The following TENM3 variants were observed in gnomAD, a reference collection of about 807,000 sequenced individuals.
TENM3 encodes the protein teneurin transmembrane protein 3, also known as teneurin-3.
A neutral mutation model predicts 255.1 loss-of-function variants in TENM3; 63 were observed. The observed-to-expected ratio is 0.25, with a 90% CI of 0.20 to 0.30. The LOEUF (loss-of-function observed/expected upper bound fraction) is 0.30. Ranked by LOEUF, TENM3 falls within the 10% of genes least tolerant of loss-of-function variation. The pLI is 1.00. For missense variants in TENM3, 2,929 were observed against 3,461.1 expected, an observed-to-expected ratio of 0.85 and a Z score of 3.86; for synonymous variants, 1,306 against 1,322.3, an observed-to-expected ratio of 0.99 and a Z score of 0.27.
At chr4:182,390,109 G>A (rs1439372453) in intron 3 of TENM3, among the ~76,000 whole-genome samples, 1 of 152,170 alleles carries the variant, frequency 6.6e-6, no homozygotes, top group Non-Finnish European at 1.5e-5. Flanking sequence ...AACTTTTTAA[G>A]AGTGACAGGC....
the TENM3 span, among the ~76,000 whole-genome samples, chr4:181,888,503 TATATATATATATGTATATATATAC>T: frequency 0.022 from 568 of 25,590 alleles, 50 homozygotes; most frequent in African/African-American, 0.075. Context: ...TGTATATATA[TATATATATATATGTATATATATAC>T]ATATATGTGT....
At chr4:182,133,767 G>C in the TENM3 span, among the ~76,000 whole-genome samples, 1 of 152,146 alleles carries the variant, frequency 6.6e-6, no homozygotes, top group African/African-American at 2.4e-5. Context: ...AAATGGGACT[G>C]TGTCAGTTCT....
chr4:182,465,993 A>G (rs553148187), intron 3 of TENM3, among the ~76,000 whole-genome samples: 2 of 152,208 alleles, frequency 1.3e-5, no homozygotes, highest in African/African-American at 2.4e-5. Flanking sequence ...AACCTGAACT[A>G]TTATTGAAGG....
chr4:182,749,742 A>G (rs556735163), intron 19 of TENM3, among the ~76,000 whole-genome samples: 19 of 152,376 alleles, frequency 1.2e-4, no homozygotes, highest in South Asian at 4.1e-4. Flanking sequence ...GTTCATACTC[A>G]AAAGATGTAC....
At chr4:181,687,197 G>A in the TENM3 span, among the ~76,000 whole-genome samples, 2 of 152,008 alleles carry the variant, frequency 1.3e-5, no homozygotes, top group East Asian at 1.9e-4. Flanking sequence ...TAAATAAGAC[G>A]GACCATTACA....
intron 3 of TENM3, among the ~76,000 whole-genome samples, chr4:182,393,895 C>T (rs187278329): frequency 6.6e-6 from 1 of 152,224 alleles, no homozygotes; most frequent in East Asian, 1.9e-4. Context: ...CAGATACCAA[C>T]TGAAATGTGG....
At chr4:182,742,535 G>A (rs899727429) in intron 18 of TENM3, among the ~76,000 whole-genome samples, 1 of 152,154 alleles carries the variant, frequency 6.6e-6, no homozygotes, top group Non-Finnish European at 1.5e-5. Context: ...CAGCTTTGGA[G>A]TTTGATGTCT....
chr4:181,736,984 G>A, the TENM3 span, among the ~76,000 whole-genome samples: 1 of 152,090 alleles, frequency 6.6e-6, no homozygotes, highest in Admixed American at 6.6e-5. Flanking sequence ...GGACCAAGTC[G>A]AGTATCTAAT....
chr4:182,633,934 T>G (rs2152480773), intron 5 of TENM3, among the ~76,000 whole-genome samples: 1 of 152,222 alleles, frequency 6.6e-6, no homozygotes, highest in South Asian at 2.1e-4. Context: ...AGGTCCAGAG[T>G]TGTGCTTTCC....
intron 3 of TENM3, among the ~76,000 whole-genome samples, chr4:182,537,539 T>G (rs1346917586): frequency 6.6e-6 from 1 of 152,236 alleles, no homozygotes; most frequent in African/African-American, 2.4e-5. Context: ...GCAGGCACTT[T>G]GCTTTCTGCT....
At chr4:182,713,383 T>G (rs1579203183) in intron 12 of TENM3, among the ~76,000 whole-genome samples, 1 of 152,340 alleles carries the variant, frequency 6.6e-6, no homozygotes, top group South Asian at 2.1e-4. Context: ...GTCCCATCCG[T>G]ATGCAGCCTG....
the TENM3 span, among the ~76,000 whole-genome samples, chr4:181,518,833 G>T: frequency 6.6e-6 from 1 of 152,132 alleles, no homozygotes; most frequent in Non-Finnish European, 1.5e-5. Flanking sequence ...ACAGAGTTCT[G>T]TGGATCCAGC....
At chr4:181,909,209 G>A in the TENM3 span, among the ~76,000 whole-genome samples, 3 of 152,216 alleles carry the variant, frequency 2.0e-5, no homozygotes, top group Non-Finnish European at 2.9e-5. Flanking sequence ...AAACAATGGA[G>A]AGAGTCAGAT....
At chr4:182,110,708 A>G in the TENM3 span, among the ~76,000 whole-genome samples, 1 of 152,236 alleles carries the variant, frequency 6.6e-6, no homozygotes, top group Non-Finnish European at 1.5e-5. Context: ...GATGGTAAAC[A>G]TAACAAAGGT....
chr4:182,600,220 T>C (rs1162405153), intron 3 of TENM3, among the ~76,000 whole-genome samples: 1 of 152,212 alleles, frequency 6.6e-6, no homozygotes, highest in Non-Finnish European at 1.5e-5. Flanking sequence ...GGAAAATCTG[T>C]TCTGTGTGTG....
the TENM3 span, among the ~76,000 whole-genome samples, chr4:181,919,374 GGT>G: frequency 2.0e-4 from 29 of 146,780 alleles, no homozygotes; most frequent in East Asian, 4.0e-4. Context: ...AAGCAAAGCA[GGT>G]GTGTGTGTGT....
chr4:182,383,100 T>C (rs1767680419), intron 3 of TENM3, among the ~76,000 whole-genome samples: 1 of 151,764 alleles, frequency 6.6e-6, no homozygotes, highest in Non-Finnish European at 1.5e-5. Flanking sequence ...ATGGAACGAG[T>C]GGGGATTTAC....
chr4:181,759,711 A>C, the TENM3 span, among the ~76,000 whole-genome samples: 3 of 144,848 alleles, frequency 2.1e-5, no homozygotes, highest in Non-Finnish European at 4.5e-5. Flanking sequence ...GATTTAAATA[A>C]TGCAATCAAC....
At chr4:182,549,355 T>A (rs1741781146) in intron 3 of TENM3, among the ~76,000 whole-genome samples, 1 of 152,230 alleles carries the variant, frequency 6.6e-6, no homozygotes, top group Non-Finnish European at 1.5e-5. Context: ...CATTAAAAGT[T>A]GAGAGGAGTA....
Sources: gnomAD v4.1 joint callset for allele counts (sites outside exome capture counted in the v4.1 genomes callset) on GRCh38, gnomAD v4.1.1 for gene constraint, MANE v1.5 for transcripts, NCBI Gene and HGNC (gene_info 2026-07-23, HGNC 2026-07-21) for gene names.